CNTN1: variants seen among roughly 807,000 people sequenced by gnomAD.
CNTN1 encodes contactin-1.
CNTN1 carries 38 observed loss-of-function variants against 126.4 expected under a neutral mutation model. The observed-to-expected ratio is 0.30, with a 90% CI of 0.23 to 0.39. CNTN1 has a LOEUF of 0.39. Among genes scored for constraint, CNTN1 ranks in the 10% least tolerant of loss-of-function variants. The pLI is 1.00. For synonymous variants in CNTN1, 413 were observed against 422.6 expected, an observed-to-expected ratio of 0.98 and a Z score of 0.28; for missense variants, 1,009 against 1,248.4, an observed-to-expected ratio of 0.81 and a Z score of 2.89.
At chr12:40,947,774 TATATATATACACACACACAC>T (rs1410918545) in intron 14 of CNTN1, among the ~76,000 whole-genome samples, 8 of 81,172 alleles carry the variant, frequency 9.9e-5, no homozygotes, top group African/African-American at 3.9e-4. Context: ...CATATATATA[TATATATATACACACACACAC>T]ACACACACAC....
In CNTN1 at chr12:40,918,736, C is replaced by T; in HGVS notation, c.192C>T (p.Asn64=). The T allele has an allele frequency of 1.9e-6, 3 of 1,613,760 alleles. No individual in the cohort carries two copies. The highest frequency in any genetic ancestry group is 2.5e-6 in the Non-Finnish European group (3 of 1,179,722). The change falls in exon 4 of 24, where the codon AAC becomes AAT. Residue 64 remains asparagine, a synonymous_variant. Transcript: ENST00000551295. ...EESLEGKVSL[N]CRARASPFPV... is the part of the protein sequence containing the mutation. The stretch of plus-strand genomic sequence containing the variant: ...CACTGGAAGGAAAAGTCTCACTCAA[C>T]TGTAGGGCACGAGCCAGCCCTTTCC...
chr12:41,025,236 C>A lies in CNTN1; in HGVS notation c.2610C>A (p.Asn870Lys). ...AAGAGTACTCGGCCAGGCTCGAGAA[C>A]CTTCTGCCAGACACCCAGTATTTTA... is the stretch of plus-strand genomic sequence containing the variant. ...TSQEYSARLE[N>K]LLPDTQYFIE... Residue 870 changes from asparagine (N) to lysine (K), a missense_variant, in exon 21 of 24, where the codon AAC becomes AAA. Asn to Lys is a moderately conservative substitution (Grantham distance 94). Coordinates refer to ENST00000551295, the MANE Select transcript of CNTN1 (RefSeq NM_001843.4). 6.2e-7 allele frequency: 1 copy of A among 1,613,970 alleles called. No individual in the cohort carries two copies. Among genetic ancestry groups the A allele is most frequent in the Non-Finnish European group, 8.5e-7 (1 of 1,179,902 alleles).
At chr12:40,707,183 G>GTTCAT (rs72009186) in intron 1 of CNTN1, among the ~76,000 whole-genome samples, 3,184 of 144,962 alleles carry the variant, frequency 0.022, 53 homozygotes, top group African/African-American at 0.049. Context: ...CTCTTACTCT[G>GTTCAT]TTCATTGCTT....
At chr12:40,725,031 C>T (rs756403794) in intron 1 of CNTN1, among the ~76,000 whole-genome samples, 21 of 152,130 alleles carry the variant, frequency 1.4e-4, no homozygotes, top group African/African-American at 2.4e-4. Context: ...AGACTTGTTC[C>T]ACTTACCTTG....
At chr12:41,026,205 A>T (rs1949034630) in intron 21 of CNTN1, among the ~76,000 whole-genome samples, 2 of 152,216 alleles carry the variant, frequency 1.3e-5, no homozygotes, top group African/African-American at 4.8e-5. Flanking sequence ...GTATTTATTC[A>T]TTCATCAAAA....
intron 1 of CNTN1, among the ~76,000 whole-genome samples, chr12:40,733,862 G>A (rs147740610): frequency 1.1e-4 from 16 of 152,098 alleles, no homozygotes; most frequent in African/African-American, 3.6e-4. Flanking sequence ...TGCAGCTCCA[G>A]CAGTTAAAGG....
chr12:40,878,972 T>C (rs140660502), intron 1 of CNTN1, among the ~76,000 whole-genome samples: 101 of 152,290 alleles, frequency 6.6e-4, no homozygotes, highest in African/African-American at 2.2e-3. Context: ...TTGAATTAAT[T>C]TTTCATAGTC....
intron 7 of CNTN1, among the ~76,000 whole-genome samples, chr12:40,932,511 G>A (rs532079854): frequency 6.6e-6 from 1 of 152,054 alleles, no homozygotes; most frequent in Non-Finnish European, 1.5e-5. Context: ...ATTACCTATT[G>A]AGAAAATTCA....
rs181661703 is a variant in CNTN1 at position 40,789,809 on chromosome 12, G to A, written c.-77+97217G>A. 1.9e-4 allele frequency among the ~76,000 whole-genome samples: 29 copies of A among 152,022 alleles called. 1 individual carries two copies. The highest frequency in any genetic ancestry group is 1.0e-4 in the Non-Finnish European group (7 of 67,958). Reference sequence around the variant, plus strand: ...TTTATATAATGTGGACATTTCTCATGGTTATACCAAATTTTTTCTATTGTT... The same window carrying A: ...TTTATATAATGTGGACATTTCTCATAGTTATACCAAATTTTTTCTATTGTT... On this transcript the variant is annotated intron_variant, in intron 1 of 23. Transcript: ENST00000551295.
chr12:40,758,712 AT>A (rs1219446117), intron 1 of CNTN1, among the ~76,000 whole-genome samples: 2 of 152,174 alleles, frequency 1.3e-5, no homozygotes, highest in East Asian at 1.9e-4. Context: ...GATGAATCTG[AT>A]TTTTTTATAC....
chr12:40,863,938 C>T (rs1307514285), intron 1 of CNTN1, among the ~76,000 whole-genome samples: 3 of 134,532 alleles, frequency 2.2e-5, no homozygotes, highest in Non-Finnish European at 4.8e-5. Context: ...CTCCCTCCCT[C>T]CCTCCCTCCC....
At chr12:40,787,919 A>G (rs889261098) in intron 1 of CNTN1, among the ~76,000 whole-genome samples, 8 of 152,182 alleles carry the variant, frequency 5.3e-5, no homozygotes, top group Non-Finnish European at 1.0e-4. Context: ...TGTAGAGGAT[A>G]GAATATTAGT....
At chr12:40,854,303 T>C (rs1447470368) in intron 1 of CNTN1, among the ~76,000 whole-genome samples, 1 of 152,034 alleles carries the variant, frequency 6.6e-6, no homozygotes, top group East Asian at 1.9e-4. Flanking sequence ...AGAATTTAGA[T>C]GAATGTGAAA....
intron 1 of CNTN1, among the ~76,000 whole-genome samples, chr12:40,777,880 T>C (rs987888680): frequency 6.6e-6 from 1 of 151,786 alleles, no homozygotes; most frequent in African/African-American, 2.4e-5. Context: ...AGGGTAAATA[T>C]GGAAATATGT....
chr12:41,028,960 T>G, intron 22 of CNTN1, 103 bp from the exon 23 acceptor site: 1 of 1,124,636 alleles, frequency 8.9e-7, no homozygotes, highest in Middle Eastern at 2.6e-4. Flanking sequence ...ATTTATTACT[T>G]TTTGTTAATC....
chr12:40,937,054 A>C, intron 10 of CNTN1, 149 bp downstream of exon 10: 1 of 930,398 alleles, frequency 1.1e-6, no homozygotes, highest in Non-Finnish European at 1.7e-6. Context: ...ACAAAAACTG[A>C]ACATAAAGTA....
intron 14 of CNTN1, among the ~76,000 whole-genome samples, chr12:40,948,042 C>T (rs371937309): frequency 5.9e-4 from 89 of 151,762 alleles, no homozygotes; most frequent in Middle Eastern, 6.8e-3. Context: ...CTCTGTAAAA[C>T]GTGATTAATC....
intron 16 of CNTN1, among the ~76,000 whole-genome samples, chr12:40,990,848 T>C (rs1038977011): frequency 2.6e-5 from 4 of 152,124 alleles, no homozygotes. Flanking sequence ...GCTTCCAACA[T>C]TTCCATCCTT....
chr12:40,797,544 C>T (rs1378100042), intron 1 of CNTN1, among the ~76,000 whole-genome samples: 1 of 151,966 alleles, frequency 6.6e-6, no homozygotes, highest in African/African-American at 2.4e-5. Flanking sequence ...CAGGACCTGC[C>T]ATGGCCTGTT....
Sources: gnomAD v4.1 joint callset for allele counts (sites outside exome capture counted in the v4.1 genomes callset) on GRCh38, gnomAD v4.1.1 for gene constraint, MANE v1.5 for transcripts, NCBI Gene and HGNC (gene_info 2026-07-23, HGNC 2026-07-21) for gene names.